Variants in MYH14 observed in about 807,000 individuals in gnomAD.
MYH14 encodes the protein myosin-14.
Under a neutral mutation model 255.5 loss-of-function variants are expected in MYH14, and 123 were observed. The ratio of observed to expected loss-of-function variants is 0.48; its 90% CI spans 0.42 to 0.56. The LOEUF is 0.56. Among genes scored for constraint, MYH14 ranks in the 20% least tolerant of loss-of-function variants. MYH14 has a pLI of 0.00. For synonymous variants in MYH14, 1,095 were observed against 1,161.2 expected (o/e 0.94, Z 1.16); for missense variants, 2,423 against 2,802.3 (o/e 0.86, Z 3.06).
chr19:50,272,755 G>A (rs1020647511), intron 27 of MYH14, 24 bp downstream of exon 27: 2 of 1,548,164 alleles, frequency 1.3e-6, no homozygotes, highest in African/African-American at 1.4e-5. Context: ...TGGGCTTGGT[G>A]GGGTAAGCAG....
At position 50,297,638 on chromosome 19, in the gene MYH14, A is replaced by G. The variant is rs572073187; in HGVS notation, c.5469+3951A>G. Among the ~76,000 whole-genome samples the G allele has an allele frequency of 7.3e-5, 11 of 150,656 alleles. No homozygotes were observed. In the South Asian group the frequency reaches 2.3e-3, roughly 32 times the overall value. The stretch of plus-strand genomic sequence containing the variant: ...TCAACCTCCCGAGTAGCTGGATTAC[A>G]GGCGCCCACCACCACATCTGGCTAA... On this transcript the variant is annotated intron_variant, in intron 39 of 42. Transcript: ENST00000642316.
chr19:50,258,563 A>C (rs2034679404), intron 18 of MYH14: 1 of 152,060 alleles, frequency 6.6e-6, no homozygotes, highest in South Asian at 2.1e-4. Flanking sequence ...CTCTACTCAA[A>C]ATACAAAAAT....
At chr19:50,210,096 CAAAAAAAAAAAAAA>C (rs71180680) in intron 1 of MYH14, among the ~76,000 whole-genome samples, 694 of 59,692 alleles carry the variant, frequency 0.012, 15 homozygotes, top group African/African-American at 0.04. Flanking sequence ...GACTCCGTCT[CAAAAAAAAAAAAAA>C]AAAAAAAAAA....
Position 50,249,557 on chromosome 19 carries a change from C to G in MYH14, c.1483-93C>G, listed in dbSNP as rs776864092. 5.3e-4 allele frequency: 141 copies of G among 267,418 alleles called. No homozygotes were observed. The African/African-American group carries it at 6.6e-3, about 12-fold the overall frequency. 16.6% of individuals were successfully genotyped at this position (267,418 alleles called of 1,614,324 possible). On this transcript the variant is annotated intron_variant, in intron 13 of 42. Coordinates refer to ENST00000642316, the MANE Select transcript of MYH14 (RefSeq NM_001145809.2). ...TCTGGGTCTCTGTCCCCTCTCGATG[C>G]ATCTCTGTCCCCTGTCTCTGGGTCT...
At chr19:50,259,301 G>T (rs143135579) in intron 19 of MYH14, 36 bp downstream of exon 19, 1 of 1,551,068 alleles carries the variant, frequency 6.4e-7, no homozygotes, top group Non-Finnish European at 8.7e-7. Context: ...CGGCGGAGGG[G>T]CTGGGTGGGA....
At chr19:50,220,266 C>A (rs2032746623) in intron 3 of MYH14, among the ~76,000 whole-genome samples, 1 of 151,046 alleles carries the variant, frequency 6.6e-6, no homozygotes, top group Non-Finnish European at 1.5e-5. Flanking sequence ...TAAATATGAG[C>A]AAATTATTAA....
chr19:50,224,108 A>T (rs778170407), intron 5 of MYH14, 46 bp from the exon 6 acceptor site: 2 of 1,524,796 alleles, frequency 1.3e-6, no homozygotes, highest in Non-Finnish European at 1.8e-6. Context: ...TCCACGTTCC[A>T]TGTGCTGTGT....
intron 27 of MYH14, among the ~76,000 whole-genome samples, chr19:50,275,356 C>T (rs10410725): frequency 0.051 from 7,724 of 152,260 alleles, 605 homozygotes; most frequent in African/African-American, 0.17. Flanking sequence ...CAGCCACTCA[C>T]GGACCCGGTA....
intron 39 of MYH14, among the ~76,000 whole-genome samples, chr19:50,297,897 A>G (rs985198595): frequency 1.3e-5 from 2 of 151,872 alleles, no homozygotes; most frequent in African/African-American, 4.8e-5. Flanking sequence ...CAAAGATCCT[A>G]TTTCCAACTA....
At position 50,250,435 on chromosome 19, in the gene MYH14, T is replaced by G. The variant is rs566970103; in HGVS notation, c.1657-80T>G. On this transcript the variant is annotated intron_variant, in intron 14 of 42. Coordinates refer to ENST00000642316, the MANE Select transcript of MYH14 (RefSeq NM_001145809.2). This position sits in a 1 kb window ranked among gnomAD's most constrained non-coding sequence, Gnocchi z 5.4. ...TGTTTTTATGTCCAAGTGTGACTTA[T>G]AAGAGCTAAAAATCAGCAGCCACCT... is the stretch of plus-strand genomic sequence containing the variant. The G allele has an allele frequency of 3.6e-5, 52 of 1,428,820 alleles. 1 individual carries two copies. The South Asian group carries it at 6.4e-4, about 18-fold the overall frequency. The allele number at this position is 1,428,820 out of a possible 1,614,324, so 88.5% of individuals were successfully genotyped here. A position where few individuals can be genotyped will look rare whatever the true frequency, so the allele number is the denominator to read the frequency against.
rs371045615 is a variant in MYH14 at position 50,266,877 on chromosome 19, G to A, written c.2695G>A (p.Val899Met). 6 of 1,551,774 alleles carry A rather than the reference G, an allele frequency of 3.9e-6. 1 individual carries two copies. Among genetic ancestry groups the A allele is most frequent in the South Asian group, 3.6e-5 (3 of 84,074 alleles). Residue 899 changes from valine to methionine, a missense_variant and splice_region_variant, in exon 23 of 43, where the codon GTG becomes ATG. Coordinates refer to ENST00000642316, the MANE Select transcript of MYH14 (RefSeq NM_001145809.2). The surrounding 1 kb of genome is among the most constrained non-coding windows in gnomAD (Gnocchi z 4.1). The part of the protein sequence containing the change: ...HWQWWRLFTK[V>M]KPLLQVTRQD... ...TTCCACCCCTTTCACCTCCACCTAGGTGAAGCCACTGCTGCAGGTGACGCG... is the reference window on the plus strand; with the variant it reads ...TTCCACCCCTTTCACCTCCACCTAGATGAAGCCACTGCTGCAGGTGACGCG...
chr19:50,225,089 G>A (rs1486857447), intron 6 of MYH14, among the ~76,000 whole-genome samples: 1 of 152,178 alleles, frequency 6.6e-6, no homozygotes, highest in Non-Finnish European at 1.5e-5. Context: ...ATTTCTACAA[G>A]CAACACATGA....
chr19:50,248,422 G>A (rs1809422611), intron 12 of MYH14, among the ~76,000 whole-genome samples: 1 of 152,136 alleles, frequency 6.6e-6, no homozygotes, highest in Admixed American at 6.5e-5. Flanking sequence ...GGGTGGAGTG[G>A]AGCGACCACA....
chr19:50,276,054 C>A lies in MYH14; in HGVS notation c.3531C>A (p.Ala1177=), dbSNP rs766104943. The change falls in exon 28 of 43, where the codon GCC becomes GCA. Residue 1177 remains alanine, a synonymous_variant. Coordinates refer to ENST00000642316, the MANE Select transcript of MYH14 (RefSeq NM_001145809.2). The surrounding 1 kb of genome is among the most constrained non-coding windows in gnomAD (Gnocchi z 4.3). The stretch of plus-strand genomic sequence containing the variant: ...AATCCCTGCGGGAGGCTCAAGCAGC[C>A]CTGGCCGAGGCCCAGGAGGACCTGG... ...LLKSLREAQA[A]LAEAQEDLES... 11 of 1,612,184 alleles carry A rather than the reference C, an allele frequency of 6.8e-6. No homozygotes were observed. In the South Asian group the frequency reaches 1.2e-4, roughly 18 times the overall value.
Position 50,271,399 on chromosome 19 carries a change from C to A in MYH14, c.3034-10C>A. The A allele has an allele frequency of 1.3e-6, 2 of 1,596,782 alleles. No homozygotes were observed. Among genetic ancestry groups the A allele is most frequent in the East Asian group, 4.5e-5 (2 of 44,160 alleles). On this transcript the variant is annotated splice_polypyrimidine_tract_variant and intron_variant, in intron 24 of 42. Transcript: ENST00000642316. ...CCAGTATCCTCACTCCTCCTGCCTT[C>A]CCACCCCAGGAGCTAGAGGCCCACC...
chr19:50,227,086 T>G, intron 8 of MYH14, 120 bp downstream of exon 8: 1 of 524,648 alleles, frequency 1.9e-6, no homozygotes, highest in Non-Finnish European at 3.6e-6. Context: ...TGGGACCTGA[T>G]GCTCAGGCGG....
intron 1 of MYH14, among the ~76,000 whole-genome samples, chr19:50,209,656 C>T (rs1017981489): frequency 7.3e-5 from 11 of 151,582 alleles, no homozygotes; most frequent in Non-Finnish European, 1.2e-4. Flanking sequence ...TGGTGGCAGG[C>T]GCCTGTAGTC....
intron 2 of MYH14, among the ~76,000 whole-genome samples, chr19:50,216,394 G>C (rs1404208562): frequency 1.3e-5 from 2 of 152,140 alleles, no homozygotes; most frequent in East Asian, 3.8e-4. Flanking sequence ...GTTGAGCCCA[G>C]GAATTCAAGA....
At chr19:50,210,287 G>A in intron 1 of MYH14, 76 bp from the exon 2 acceptor site, 1 of 1,367,414 alleles carries the variant, frequency 7.3e-7, no homozygotes, top group African/African-American at 1.5e-5. Flanking sequence ...GGCTGCCTGG[G>A]GAATTTGGGG....
Sources: allele counts gnomAD v4.1 joint callset (sites outside exome capture counted in the v4.1 genomes callset), GRCh38; gene constraint gnomAD v4.1.1; non-coding constraint Gnocchi (gnomAD v3.1); transcripts MANE v1.5; gene names NCBI Gene and HGNC (gene_info 2026-07-23, HGNC 2026-07-21).